EVL: variants seen among roughly 807,000 people sequenced by gnomAD.
EVL encodes the protein ena/VASP-like protein.
Under a neutral mutation model 59.6 loss-of-function variants are expected in EVL, and 21 were observed. That is an observed-to-expected ratio of 0.35 (90% CI 0.25 to 0.51). The LOEUF is 0.51. Ranked by LOEUF, EVL falls within the 20% of genes least tolerant of loss-of-function variation. The probability of loss-of-function intolerance (pLI) is 0.97; values close to 1 mark genes in which losing one functional copy is unlikely to be tolerated. For missense variants in EVL, 462 were observed against 546.6 expected (o/e 0.85, Z 1.54); for synonymous variants, 198 against 203.5 (o/e 0.97, Z 0.23).
At chr14:100,088,887 A>T (rs1390610871) in intron 2 of EVL, among the ~76,000 whole-genome samples, 2 of 152,238 alleles carry the variant, frequency 1.3e-5, no homozygotes, top group African/African-American at 4.8e-5. Flanking sequence ...AATTATTTTT[A>T]AAATAAAGCT....
intron 1 of EVL, among the ~76,000 whole-genome samples, chr14:100,024,269 A>G (rs1174234319): frequency 6.6e-6 from 1 of 152,230 alleles, no homozygotes; most frequent in Non-Finnish European, 1.5e-5. Context: ...TTTCACTGGA[A>G]TATTGAAACA....
intron 8 of EVL, chr14:100,135,133 G>GCTGGCACCTGCTTTTGC (rs1349132649): frequency 1.3e-5 from 2 of 152,218 alleles, no homozygotes; most frequent in African/African-American, 4.8e-5. Context: ...GCACCTGCAG[G>GCTGGCACCTGCTTTTGC]CTGGCACCTG....
At chr14:100,096,067 G>C (rs1425934517) in intron 2 of EVL, among the ~76,000 whole-genome samples, 1 of 152,086 alleles carries the variant, frequency 6.6e-6, no homozygotes, top group African/African-American at 2.4e-5. Flanking sequence ...TACTGTGTGT[G>C]TGTCCCCTCT....
Position 100,044,087 on chromosome 14 carries a change from CTT to C in EVL, c.6-40598_6-40597del, listed in dbSNP as rs1376898377. ...CTCAGAGGCACACCCAGAAATAACACTTTACCTGCTCTCTAGGTATTCCTTAA... is the reference window on the plus strand; with the variant it reads ...CTCAGAGGCACACCCAGAAATAACACTACCTGCTCTCTAGGTATTCCTTAA... On this transcript the variant is annotated intron_variant, in intron 1 of 13. Transcript: ENST00000402714. Among the ~76,000 whole-genome samples the C allele has an allele frequency of 3.3e-5, 5 of 152,318 alleles. No homozygotes were observed. In the East Asian group the frequency reaches 5.8e-4, roughly 18 times the overall value.
At chr14:100,106,946 G>C (rs990620557) in intron 3 of EVL, 2 of 398,550 alleles carry the variant, frequency 5.0e-6, no homozygotes, top group African/African-American at 4.1e-5. Flanking sequence ...CCAGTGCCTG[G>C]AAGTGTGGTG....
At chr14:100,123,723 T>A in intron 4 of EVL, 121 bp downstream of exon 4, 1 of 965,684 alleles carries the variant, frequency 1.0e-6, no homozygotes, top group Non-Finnish European at 1.6e-6. Context: ...AGGCATACAC[T>A]GCGGGAGGGT....
chr14:100,131,737 G>A (rs1253879877), intron 7 of EVL, among the ~76,000 whole-genome samples: 1 of 152,210 alleles, frequency 6.6e-6, no homozygotes. Context: ...CATGCAGGAA[G>A]GTGTTGAAGG....
chr14:100,045,313 T>C (rs900823183), intron 1 of EVL, among the ~76,000 whole-genome samples: 2 of 152,186 alleles, frequency 1.3e-5, no homozygotes, highest in African/African-American at 4.8e-5. Flanking sequence ...CCAAGGGCCC[T>C]CCTGTGCTCT....
intron 1 of EVL, among the ~76,000 whole-genome samples, chr14:100,042,493 C>T (rs545053686): frequency 6.6e-6 from 1 of 152,178 alleles, no homozygotes; most frequent in Non-Finnish European, 1.5e-5. Context: ...CTGTTACTGA[C>T]AAGCGCACAG....
intron 1 of EVL, among the ~76,000 whole-genome samples, chr14:99,987,320 T>A (rs1319875250): frequency 2.6e-5 from 4 of 152,206 alleles, no homozygotes; most frequent in Non-Finnish European, 5.9e-5. Context: ...AGGGTTGAAC[T>A]CTCATATATG....
intron 1 of EVL, among the ~76,000 whole-genome samples, chr14:100,075,920 A>T (rs1219962559): frequency 6.6e-6 from 1 of 152,088 alleles, no homozygotes. Flanking sequence ...TCCCATTCTC[A>T]TACACCCATT....
At chr14:100,098,100 G>T (rs1056431567) in intron 3 of EVL, among the ~76,000 whole-genome samples, 1 of 152,108 alleles carries the variant, frequency 6.6e-6, no homozygotes. Context: ...AATGAACAGC[G>T]GCCTTCCCCT....
chr14:100,078,576 T>TGGGGGAGGGGG (rs2062218293), intron 1 of EVL, among the ~76,000 whole-genome samples: 1 of 36,960 alleles, frequency 2.7e-5, no homozygotes. Context: ...GACGGCAGGG[T>TGGGGGAGGGGG]GGGGGTGGGG....
intron 1 of EVL, among the ~76,000 whole-genome samples, chr14:100,042,223 G>A (rs371141787): frequency 1.3e-5 from 2 of 151,920 alleles, no homozygotes; most frequent in African/African-American, 2.4e-5. Flanking sequence ...AATTTGGACC[G>A]GCCACATTTC....
chr14:100,065,261 G>A (rs765296657), upstream of EVL: 2 of 252,432 alleles, frequency 7.9e-6, no homozygotes, highest in Admixed American at 5.6e-5. Context: ...AGCCGCCCAC[G>A]CTGGTGGGGC....
intron 1 of EVL, among the ~76,000 whole-genome samples, chr14:100,028,374 G>A (rs1468188658): frequency 1.3e-5 from 2 of 152,000 alleles, no homozygotes; most frequent in Non-Finnish European, 1.5e-5. Context: ...CCATTTATAT[G>A]TCTTTTGAGA....
At chr14:100,079,402 G>A (rs931994841) in intron 1 of EVL, among the ~76,000 whole-genome samples, 12 of 152,216 alleles carry the variant, frequency 7.9e-5, no homozygotes, top group Admixed American at 2.0e-4. Flanking sequence ...ACAGCATACA[G>A]GGACTGGCTT....
At chr14:100,111,479 G>A (rs989742541) in intron 3 of EVL, among the ~76,000 whole-genome samples, 7 of 152,078 alleles carry the variant, frequency 4.6e-5, no homozygotes, top group African/African-American at 1.7e-4. Flanking sequence ...TTTAAAATGG[G>A]TGTGACAACC....
At chr14:100,019,894 C>T (rs2061090978) in intron 1 of EVL, among the ~76,000 whole-genome samples, 1 of 152,162 alleles carries the variant, frequency 6.6e-6, no homozygotes, top group Non-Finnish European at 1.5e-5. Flanking sequence ...AGAAGTGCAG[C>T]GTGGATAATT....
Sources: allele counts gnomAD v4.1 joint callset (sites outside exome capture counted in the v4.1 genomes callset), GRCh38; gene constraint gnomAD v4.1.1; transcripts MANE v1.5; gene names NCBI Gene and HGNC (gene_info 2026-07-23, HGNC 2026-07-21).